ACVR1C: variants seen among roughly 807,000 people sequenced by gnomAD.
ACVR1C encodes the protein activin A receptor type 1C, also known as activin receptor type-1C.
Under a neutral mutation model 57.9 loss-of-function variants are expected in ACVR1C, and 23 were observed. That is an observed-to-expected ratio of 0.40 (90% confidence interval 0.29 to 0.56). The LOEUF (loss-of-function observed/expected upper bound fraction) is 0.56, where lower values mean the gene tolerates loss of function less well. Ranked by LOEUF, ACVR1C falls within the 20% of genes least tolerant of loss-of-function variation. The pLI is 0.50. For missense variants in ACVR1C, 480 were observed against 607.9 expected, an observed-to-expected ratio of 0.79 and a Z score of 2.21; for synonymous variants, 214 against 215.3, an observed-to-expected ratio of 0.99 and a Z score of 0.05.
intron 3 of ACVR1C, among the ~76,000 whole-genome samples, chr2:157,555,087 T>TG (rs1688064440): frequency 6.7e-6 from 1 of 149,130 alleles, no homozygotes; most frequent in Non-Finnish European, 1.5e-5. Flanking sequence ...TAATACAGCC[T>TG]GGTACTTTGA....
rs138620904 is a variant in ACVR1C, at chr2:157,616,133, C to A, written c.73+12439G>T. The stretch of plus-strand genomic sequence containing the variant: ...CCATTCTCCCTCTGTTTTCTTCTAG[C>A]ATTCCATTTACACATATTTTATATT... On this transcript the variant is annotated intron_variant, in intron 1 of 8. Transcript: ENST00000243349. Among the ~76,000 whole-genome samples the A allele has an allele frequency of 4.9e-3, 742 of 152,264 alleles. 6 individuals are homozygous for A. The highest frequency in any genetic ancestry group is 0.016 in the African/African-American group (660 of 41,558).
At position 157,533,680 on chromosome 2, in the gene ACVR1C, AG is replaced by A. The variant is rs1415915571; in HGVS notation, c.*237del. ...TATATTTCTTCCTTATTAAATAAAA[AG>A]ATGAGTTGAGGTGTTGCTTTCAAAA... On this transcript the variant is annotated 3_prime_UTR_variant, in exon 9 of 9. Coordinates refer to ENST00000243349, the MANE Select transcript of ACVR1C (RefSeq NM_145259.3). 7 of 258,542 alleles carry A rather than the reference AG, an allele frequency of 2.7e-5. No homozygotes were observed. The highest frequency in any genetic ancestry group is 5.0e-5 in the Non-Finnish European group (7 of 138,724). The allele number at this position is 258,542 out of a possible 1,614,324, so 16.0% of individuals were successfully genotyped here. A position where few individuals can be genotyped will look rare whatever the true frequency, so the allele number is the denominator to read the frequency against.
At chr2:157,568,011 G>A (rs1387409345) in intron 2 of ACVR1C, among the ~76,000 whole-genome samples, 29 of 147,782 alleles carry the variant, frequency 2.0e-4, no homozygotes, top group East Asian at 6.4e-4. Context: ...GACTAACAGC[G>A]GATCTCTCGG....
intron 2 of ACVR1C, 24 bp downstream of exon 2, chr2:157,587,163 A>G: frequency 6.4e-7 from 1 of 1,561,922 alleles, no homozygotes; most frequent in Non-Finnish European, 8.8e-7. Context: ...TTAAATTCGG[A>G]ATGAACAAAG....
rs920658970 is a variant in ACVR1C at position 157,628,654 on chromosome 2, G to A, written c.-10C>T. The stretch of plus-strand genomic sequence containing the variant: ...AGAGCGCCCGGGTCATCGCCACCAG[G>A]CGGCCGCGCCGGGGCTGCGAGGCCC... On this transcript the variant is annotated 5_prime_UTR_variant, in exon 1 of 9. Transcript: ENST00000243349. 9.0e-6 allele frequency: 14 copies of A among 1,563,766 alleles called. No individual in the cohort carries two copies. The African/African-American group carries it at 1.6e-4, about 18-fold the overall frequency.
chr2:157,625,962 A>G (rs548407742), intron 1 of ACVR1C, among the ~76,000 whole-genome samples: 1 of 152,160 alleles, frequency 6.6e-6, no homozygotes, highest in South Asian at 2.1e-4. Flanking sequence ...GAGGAGCCTG[A>G]GTTTTTCGTT....
chr2:157,542,105 G>A (rs1350677295), intron 6 of ACVR1C, among the ~76,000 whole-genome samples: 1 of 152,148 alleles, frequency 6.6e-6, no homozygotes, highest in Non-Finnish European at 1.5e-5. Context: ...TCTGTTCCTT[G>A]AAAGTGGGAA....
chr2:157,582,299 AT>A (rs1384483438), intron 2 of ACVR1C, among the ~76,000 whole-genome samples: 4 of 151,918 alleles, frequency 2.6e-5, no homozygotes, highest in Middle Eastern at 3.4e-3. Flanking sequence ...GCCTTAAAAA[AT>A]TTTTTTTTAA....
At chr2:157,548,681 G>A (rs1558972180) in intron 4 of ACVR1C, among the ~76,000 whole-genome samples, 1 of 152,018 alleles carries the variant, frequency 6.6e-6, no homozygotes, top group Non-Finnish European at 1.5e-5. Context: ...AATGGGGAAA[G>A]GATTCCCTAT....
At chr2:157,628,450 C>T in intron 1 of ACVR1C, 122 bp downstream of exon 1, 2 of 1,164,008 alleles carry the variant, frequency 1.7e-6, no homozygotes, top group South Asian at 1.4e-5. Context: ...ACTGGCGCTT[C>T]CCTGTCCGCC....
chr2:157,551,278 G>A (rs565787313), intron 3 of ACVR1C, among the ~76,000 whole-genome samples: 4 of 152,212 alleles, frequency 2.6e-5, no homozygotes, highest in Admixed American at 6.5e-5. Context: ...TCAATATTAC[G>A]CATCTCGCAG....
intron 1 of ACVR1C, among the ~76,000 whole-genome samples, chr2:157,603,643 CAGAT>C (rs1423024023): frequency 6.6e-6 from 1 of 152,100 alleles, no homozygotes; most frequent in African/African-American, 2.4e-5. Context: ...TATCTGTGTA[CAGAT>C]AATGTCCCTG....
At chr2:157,550,423 A>G in intron 3 of ACVR1C, 31 bp from the exon 4 acceptor site, 1 of 1,586,742 alleles carries the variant, frequency 6.3e-7, no homozygotes, top group South Asian at 1.1e-5. Context: ...ATTGATAATT[A>G]AACACAAATG....
intron 1 of ACVR1C, among the ~76,000 whole-genome samples, chr2:157,615,592 T>C (rs1235877592): frequency 6.6e-6 from 1 of 152,078 alleles, no homozygotes; most frequent in African/African-American, 2.4e-5. Context: ...CCTAGGCTGG[T>C]CTCAAACTCC....
chr2:157,585,581 T>C (rs1181886015), intron 2 of ACVR1C, among the ~76,000 whole-genome samples: 1 of 152,136 alleles, frequency 6.6e-6, no homozygotes, highest in East Asian at 1.9e-4. Flanking sequence ...TCATTCACTA[T>C]TGGGAAGATA....
In ACVR1C at chr2:157,528,844, C is replaced by T. The variant is rs1441673981; in HGVS notation, c.*5074G>A. On this transcript the variant is annotated 3_prime_UTR_variant, in exon 9 of 9. Coordinates refer to ENST00000243349, the MANE Select transcript of ACVR1C (RefSeq NM_145259.3). Reference sequence around the variant, plus strand: ...TGCCATTAACAAATACTCTATAGTGCCAAATGAAGGATTACTGGAGAAGTT... The same window carrying T: ...TGCCATTAACAAATACTCTATAGTGTCAAATGAAGGATTACTGGAGAAGTT... 1 of 151,970 alleles carries T rather than the reference C, an allele frequency of 6.6e-6. No homozygotes were observed. Among genetic ancestry groups the T allele is most frequent in the Non-Finnish European group, 1.5e-5 (1 of 67,968 alleles). The allele number at this position is 151,970 out of a possible 1,614,324, so 9.4% of individuals were successfully genotyped here.
Position 157,555,464 on chromosome 2 carries a change from G to A in ACVR1C, c.544+629C>T, listed in dbSNP as rs181003410. 1.8e-3 allele frequency among the ~76,000 whole-genome samples: 277 copies of A among 152,316 alleles called. 2 individuals carry two copies. Among genetic ancestry groups the A allele is most frequent in the Non-Finnish European group, 2.2e-3 (151 of 68,032 alleles). On this transcript the variant is annotated intron_variant, in intron 3 of 8. Coordinates refer to ENST00000243349, the MANE Select transcript of ACVR1C (RefSeq NM_145259.3). ...TGGGGTTCTGGAGTTCCATTAAAGA[G>A]GAAGACAGTCATGTATGTAACCACA...
chr2:157,581,246 C>A (rs1322155727), intron 2 of ACVR1C, among the ~76,000 whole-genome samples: 1 of 151,628 alleles, frequency 6.6e-6, no homozygotes, highest in Non-Finnish European at 1.5e-5. Context: ...AAGAAGTCAC[C>A]AAGAATATGA....
chr2:157,550,867 A>T (rs993722871), intron 3 of ACVR1C, among the ~76,000 whole-genome samples: 1 of 152,208 alleles, frequency 6.6e-6, no homozygotes, highest in Non-Finnish European at 1.5e-5. Flanking sequence ...ATCAAATACA[A>T]TGATCATGTG....
Sources: allele counts gnomAD v4.1 joint callset (sites outside exome capture counted in the v4.1 genomes callset), GRCh38; gene constraint gnomAD v4.1.1; transcripts MANE v1.5; gene names NCBI Gene and HGNC (gene_info 2026-07-23, HGNC 2026-07-21).